Variants in QRICH2 observed in about 807,000 individuals in gnomAD.
The protein encoded by QRICH2 is glutamine-rich protein 2.
Under a neutral mutation model 168.3 loss-of-function variants are expected in QRICH2, and 119 were observed. The observed-to-expected ratio is 0.71, with a 90% CI of 0.61 to 0.82. The LOEUF is 0.82. QRICH2 is among the 40% of genes least tolerant of loss of function. The probability of loss-of-function intolerance (pLI) is 0.00; values close to 1 mark genes in which losing one functional copy is unlikely to be tolerated. For missense variants in QRICH2, 2,241 were observed against 2,491.6 expected (o/e 0.90, Z 2.14); for synonymous variants, 894 against 951.2 (o/e 0.94, Z 1.11).
intron 3 of QRICH2, among the ~76,000 whole-genome samples, chr17:76,303,478 G>A (rs1161553175): frequency 6.6e-6 from 1 of 152,156 alleles, no homozygotes; most frequent in Non-Finnish European, 1.5e-5. Context: ...AATATATCCA[G>A]CTTGATTTTA....
In QRICH2 at chr17:76,295,601, C is replaced by T. The variant is rs186722830; in HGVS notation, c.706-1580G>A. 2.6e-5 allele frequency among the ~76,000 whole-genome samples: 4 copies of T among 152,230 alleles called. No individual in the cohort carries two copies. In the East Asian group the frequency reaches 5.8e-4, roughly 22 times the overall value. On this transcript the variant is annotated intron_variant, in intron 3 of 18. Coordinates refer to ENST00000680821, the MANE Select transcript of QRICH2 (RefSeq NM_001388453.1). Reference sequence around the variant, plus strand: ...GAGGATGCAGTGAGCCGAGATCACGCCACTGCACTCCAGCCTGTGCAACAG... The same window carrying T: ...GAGGATGCAGTGAGCCGAGATCACGTCACTGCACTCCAGCCTGTGCAACAG...
chr17:76,280,977 C>T lies in QRICH2; in HGVS notation c.4264-24G>A, dbSNP rs1443953191. 6.2e-7 allele frequency: 1 copy of T among 1,602,394 alleles called. No individual in the cohort carries two copies. The highest frequency in any genetic ancestry group is 1.1e-5 in the South Asian group (1 of 90,962). On this transcript the variant is annotated intron_variant, in intron 8 of 18. Coordinates refer to ENST00000680821, the MANE Select transcript of QRICH2 (RefSeq NM_001388453.1). The surrounding 1 kb of genome is among the most constrained non-coding windows in gnomAD (Gnocchi z 7.4). ...TCCTGCGGCAGGAGGGATGGGAAGG[C>T]TCTCGGAGGCTGCTGGCGCGATCCC...
At position 76,305,006 on chromosome 17, in the gene QRICH2, C is replaced by T. The variant is rs916972895; in HGVS notation, c.535-65G>A. ...CTACACACGCACACTCACATGCACACACACACAGATGCGCACACACACTCT... is the reference window on the plus strand; with the variant it reads ...CTACACACGCACACTCACATGCACATACACACAGATGCGCACACACACTCT... On this transcript the variant is annotated intron_variant, in intron 1 of 18. Coordinates refer to ENST00000680821, the MANE Select transcript of QRICH2 (RefSeq NM_001388453.1). 1.4e-4 allele frequency: 147 copies of T among 1,065,944 alleles called. 1 individual carries two copies. The highest frequency in any genetic ancestry group is 8.1e-4 in the South Asian group (65 of 79,812). The allele number at this position is 1,065,944 out of a possible 1,614,324, so 66.0% of individuals were successfully genotyped here.
In QRICH2 at chr17:76,293,635, C is replaced by T. The variant is rs1202909783; in HGVS notation, c.1092G>A (p.Gln364=). ...GCTGGTCTCTGGCCAAGGGTAAGTC[C>T]TGTTGAACTGGACCAGGACGTGCAT... ...RRNARPGPVQ[Q]DLPLARDQPS... Residue 364 remains glutamine, a synonymous_variant, in exon 4 of 19, where the codon CAG becomes CAA. Coordinates refer to ENST00000680821, the MANE Select transcript of QRICH2 (RefSeq NM_001388453.1). 6.2e-6 allele frequency: 10 copies of T among 1,614,072 alleles called. No individual in the cohort carries two copies. The highest frequency in any genetic ancestry group is 3.3e-5 in the Admixed American group (2 of 60,000).
At position 76,274,180 on chromosome 17, in the gene QRICH2, C is replaced by A; in HGVS notation, c.5563G>T (p.Ala1855Ser). ...QPNTAHPPSSAAVANRGLERH... is the reference protein window; with the variant it reads ...QPNTAHPPSSSAVANRGLERH... ...TCCAGCCCCCTGTTTGCCACCGCGGCGGAGCTGGGCGGGTGGGCTGTGTTC... is the reference window on the plus strand; with the variant it reads ...TCCAGCCCCCTGTTTGCCACCGCGGAGGAGCTGGGCGGGTGGGCTGTGTTC... Residue 1855 changes from alanine (A) to serine (S), a missense_variant, in exon 19 of 19, where the codon GCC (alanine) becomes TCC (serine). Ala to Ser is a moderately conservative substitution (Grantham distance 99). Around this residue, in one of 3 missense-constraint regions of QRICH2, gnomAD observed 189 missense variants for 169.3 expected, o/e 1.12. Coordinates refer to ENST00000680821, the MANE Select transcript of QRICH2 (RefSeq NM_001388453.1). 2 of 1,585,896 alleles carry A rather than the reference C, an allele frequency of 1.3e-6. No homozygotes were observed. The highest frequency in any genetic ancestry group is 1.4e-5 in the African/African-American group (1 of 72,818).
intron 7 of QRICH2, among the ~76,000 whole-genome samples, chr17:76,285,025 G>A (rs937664638): frequency 6.6e-6 from 1 of 150,910 alleles, no homozygotes; most frequent in Non-Finnish European, 1.5e-5. Flanking sequence ...CGCGATCATG[G>A]CTCACTGCAA....
intron 3 of QRICH2, among the ~76,000 whole-genome samples, chr17:76,299,998 C>T (rs12603578): frequency 0.47 from 71,383 of 151,416 alleles, 19,924 homozygotes; most frequent in African/African-American, 0.76. Flanking sequence ...GCCCAGCTAA[C>T]TTTTTGTATT....
chr17:76,309,058 AATTG>A (rs2071035032), upstream of QRICH2, among the ~76,000 whole-genome samples: 3 of 148,216 alleles, frequency 2.0e-5, no homozygotes, highest in African/African-American at 7.4e-5. Flanking sequence ...GCCATAAATT[AATTG>A]ATCTCAAAAA....
Position 76,307,627 on chromosome 17 carries a change from C to T in QRICH2, c.372G>A (p.Val124=). The part of the protein sequence containing the change: ...SKQLKRVDGQ[V]QGIATHVQHF... ...GCTGCACGTGCGTGGCGATGCCCTGCACCTGGCCGTCCACACGCTTGAGCT... is the reference window on the plus strand; with the variant it reads ...GCTGCACGTGCGTGGCGATGCCCTGTACCTGGCCGTCCACACGCTTGAGCT... Residue 124 remains valine, a synonymous_variant, in exon 1 of 19, where the codon GTG becomes GTA. Transcript: ENST00000680821. The surrounding 1 kb of genome is among the most constrained non-coding windows in gnomAD (Gnocchi z 5.3). 2.6e-6 allele frequency: 4 copies of T among 1,511,818 alleles called. No individual in the cohort carries two copies. The South Asian group carries it at 3.8e-5, about 14-fold the overall frequency. 93.7% of individuals were successfully genotyped at this position (1,511,818 alleles called of 1,614,324 possible).
At chr17:76,279,302 G>A (rs2070744487) in intron 13 of QRICH2, 61 bp downstream of exon 13, 2 of 1,451,750 alleles carry the variant, frequency 1.4e-6, no homozygotes, top group Admixed American at 1.8e-5. Flanking sequence ...GTGGACACAG[G>A]TGAAGGGAGG....
At chr17:76,287,535 G>A (rs1468457692) in intron 6 of QRICH2, among the ~76,000 whole-genome samples, 1 of 152,176 alleles carries the variant, frequency 6.6e-6, no homozygotes, top group Non-Finnish European at 1.5e-5. Context: ...GCCGTCAGAA[G>A]TTGTCTCCTT....
Position 76,281,835 on chromosome 17 carries a change from C to T in QRICH2, c.4263+29G>A. On this transcript the variant is annotated intron_variant, in intron 8 of 18. Transcript: ENST00000680821. This position sits in a 1 kb window ranked among gnomAD's most constrained non-coding sequence, Gnocchi z 4.4. ...TCCTCTGTGGGGCCATGTCCAGTTG[C>T]AGCAGGAGGGAGGCGAGCAGAGCCC... is the stretch of plus-strand genomic sequence containing the variant. 1.2e-6 allele frequency: 2 copies of T among 1,603,950 alleles called. No individual in the cohort carries two copies. The highest frequency in any genetic ancestry group is 1.1e-5 in the South Asian group (1 of 90,620).
rs1396251388 is a variant in QRICH2 at position 76,304,624 on chromosome 17, C to A, written c.595-99G>T. 6.2e-6 allele frequency: 5 copies of A among 809,180 alleles called. No individual in the cohort carries two copies. The African/African-American group carries it at 8.5e-5, about 14-fold the overall frequency. The allele number at this position is 809,180 out of a possible 1,614,324, so 50.1% of individuals were successfully genotyped here. On this transcript the variant is annotated intron_variant, in intron 2 of 18. Transcript: ENST00000680821. ...TAACAGGATCTGGGTGGGTCCTTCA[C>A]AGCCCCAGCCCCAGGGAGAATTCAT...
chr17:76,307,871 A>G lies in QRICH2; in HGVS notation c.128T>C (p.Leu43Pro). 7.8e-7 allele frequency: 1 copy of G among 1,275,260 alleles called. No homozygotes were observed. The highest frequency in any genetic ancestry group is 9.9e-7 in the Non-Finnish European group (1 of 1,013,090). The allele number at this position is 1,275,260 out of a possible 1,614,324, so 79.0% of individuals were successfully genotyped here. A position where few individuals can be genotyped will look rare whatever the true frequency, so the allele number is the denominator to read the frequency against. Residue 43 changes from leucine to proline, a missense_variant, in exon 1 of 19, where the codon CTC (leucine) becomes CCC (proline). Leu to Pro is a moderately conservative substitution (Grantham distance 98). Around this residue, in one of 3 missense-constraint regions of QRICH2, gnomAD observed 2,047 missense variants for 2,303.8 expected, o/e 0.89. Transcript: ENST00000680821. The surrounding 1 kb of genome is among the most constrained non-coding windows in gnomAD (Gnocchi z 5.3). ...CTGGAAGTCGATCCGGGTATTTTGG[A>G]GGTCGAGGTTCTTGAGCATGGCCAC... Reference protein sequence around the residue: ...LIVAMLKNLDLQNTRIDFQPS... With the variant: ...LIVAMLKNLDPQNTRIDFQPS...
At chr17:76,275,630 C>G (rs1281169296) in intron 18 of QRICH2, among the ~76,000 whole-genome samples, 189 bp downstream of exon 18, 1 of 152,228 alleles carries the variant, frequency 6.6e-6, no homozygotes, top group East Asian at 1.9e-4. Flanking sequence ...AGTAACAGCA[C>G]CTACCCACCT....
rs769673804 is a variant in QRICH2 at position 76,292,325 on chromosome 17, AAACCACGCTG to A, written c.2392_2401del (p.Gln798TrpfsTer91). On this transcript the variant is annotated frameshift_variant, in exon 4 of 19. Transcript: ENST00000680821. LOFTEE classifies it high-confidence loss of function. ...ACGCTGAACTGCACCAGGTTGCACC[AAACCACGCTG>A]AACTATACCAGGTTGCACCAAACTA... 9 of 771,116 alleles carry A rather than the reference AAACCACGCTG, an allele frequency of 1.2e-5. No homozygotes were observed. Among genetic ancestry groups the A allele is most frequent in the East Asian group, 2.9e-4 (2 of 7,014 alleles). The allele number at this position is 771,116 out of a possible 1,614,324, so 47.8% of individuals were successfully genotyped here. A position where few individuals can be genotyped will look rare whatever the true frequency, so the allele number is the denominator to read the frequency against.
chr17:76,289,922 G>C, intron 5 of QRICH2, 70 bp downstream of exon 5: 1 of 1,096,580 alleles, frequency 9.1e-7, no homozygotes, highest in Non-Finnish European at 1.3e-6. Context: ...CTGCACTCCA[G>C]CCAGGGCGAC....
Position 76,307,801 on chromosome 17 carries a change from G to A in QRICH2, c.198C>T (p.Ser66=). 7.5e-7 allele frequency: 1 copy of A among 1,339,678 alleles called. No individual in the cohort carries two copies. The highest frequency in any genetic ancestry group is 9.5e-7 in the Non-Finnish European group (1 of 1,048,998). The allele number at this position is 1,339,678 out of a possible 1,614,324, so 83.0% of individuals were successfully genotyped here. ...CGGGCAGGTGCGGGATGCTGAACGA[G>A]CTCCGGACGGACTGCAGCGAGCGGC... ...EPSRSLQSVR[S]SFSIPHLPAP... is the part of the protein sequence containing the mutation. The change falls in exon 1 of 19, where the codon AGC becomes AGT. Residue 66 remains serine, a synonymous_variant. Coordinates refer to ENST00000680821, the MANE Select transcript of QRICH2 (RefSeq NM_001388453.1). This position sits in a 1 kb window ranked among gnomAD's most constrained non-coding sequence, Gnocchi z 5.3.
At position 76,307,872 on chromosome 17, in the gene QRICH2, G is replaced by C; in HGVS notation, c.127C>G (p.Leu43Val). The C allele has an allele frequency of 7.8e-7, 1 of 1,276,510 alleles. No individual in the cohort carries two copies. Among genetic ancestry groups the C allele is most frequent in the Non-Finnish European group, 9.9e-7 (1 of 1,013,794 alleles). The allele number at this position is 1,276,510 out of a possible 1,614,324, so 79.1% of individuals were successfully genotyped here. A position where few individuals can be genotyped will look rare whatever the true frequency, so the allele number is the denominator to read the frequency against. ...LIVAMLKNLD[L>V]QNTRIDFQPS... ...TGGAAGTCGATCCGGGTATTTTGGA[G>C]GTCGAGGTTCTTGAGCATGGCCACG... The change falls in exon 1 of 19, where the codon CTC becomes GTC. Residue 43 changes from leucine (L) to valine (V), a missense_variant. This residue lies in a region of QRICH2 where 2,047 missense variants were observed against 2,303.8 expected (regional missense o/e 0.89). Transcript: ENST00000680821. This position sits in a 1 kb window ranked among gnomAD's most constrained non-coding sequence, Gnocchi z 5.3.
Sources: gnomAD v4.1 joint callset for allele counts (sites outside exome capture counted in the v4.1 genomes callset) on GRCh38, gnomAD v4.1.1 for gene constraint, gnomAD v4.1.1 regional missense constraint, Gnocchi (gnomAD v3.1) non-coding constraint, MANE v1.5 for transcripts, NCBI Gene and HGNC (gene_info 2026-07-23, HGNC 2026-07-21) for gene names.